OGDHL: variants seen among roughly 807,000 people sequenced by gnomAD.
The protein encoded by OGDHL is oxoglutarate dehydrogenase L, also known as 2-oxoglutarate dehydrogenase-like, mitochondrial.
A neutral mutation model predicts 109.6 loss-of-function variants in OGDHL; 79 were observed. That is an observed-to-expected ratio of 0.72 (90% CI 0.60 to 0.87). The LOEUF (loss-of-function observed/expected upper bound fraction) is 0.87, where lower values mean the gene tolerates loss of function less well. Ranked by LOEUF, OGDHL falls within the 40% of genes least tolerant of loss-of-function variation. The probability of loss-of-function intolerance (pLI) is 0.00; values close to 1 mark genes in which losing one functional copy is unlikely to be tolerated. For synonymous variants in OGDHL, 528 were observed against 537.2 expected (o/e 0.98, Z 0.24); for missense variants, 1,275 against 1,362.2 (o/e 0.94, Z 1.01).
chr10:49,754,132 T>C (rs1417204444), intron 3 of OGDHL, among the ~76,000 whole-genome samples: 1 of 152,088 alleles, frequency 6.6e-6, no homozygotes, highest in Non-Finnish European at 1.5e-5. Flanking sequence ...CCAGAAGTAA[T>C]GATCAAACCA....
At position 49,743,980 on chromosome 10, in the gene OGDHL, T is replaced by A. The variant is rs750305521; in HGVS notation, c.1861+14A>T. 127 of 1,610,632 alleles carry A rather than the reference T, an allele frequency of 7.9e-5. No homozygotes were observed. The East Asian group carries it at 2.7e-3, about 34-fold the overall frequency. ...GGCCAGCAGCCTGGGCTGCAGCCTG[T>A]CCAGCAACCTCACCAGTGTGGATCT... On this transcript the variant is annotated intron_variant, in intron 14 of 22. Transcript: ENST00000374103.
chr10:49,752,633 C>G lies in OGDHL; in HGVS notation c.478+5G>C, dbSNP rs376457953. The G allele has an allele frequency of 1.2e-6, 2 of 1,613,432 alleles. No individual in the cohort carries two copies. The highest frequency in any genetic ancestry group is 2.2e-5 in the East Asian group (1 of 44,884). On this transcript the variant is annotated splice_donor_5th_base_variant and intron_variant, in intron 4 of 22. Coordinates refer to ENST00000374103, the MANE Select transcript of OGDHL (RefSeq NM_018245.3). ...TGCCATGGCCGTCCTGAGGAAGGGT[C>G]TTACCCAGTTTATCAATGGTTGTGA...
At chr10:49,739,399 G>C (rs1841466161) in intron 17 of OGDHL, 5 of 439,950 alleles carry the variant, frequency 1.1e-5, no homozygotes, top group Admixed American at 3.9e-5. Context: ...TGGATTGGAA[G>C]AGTTAACATT....
Position 49,745,960 on chromosome 10 carries a change from G to T in OGDHL, c.1314C>A (p.Asp438Glu). The T allele has an allele frequency of 6.2e-7, 1 of 1,614,118 alleles. No homozygotes were observed. The highest frequency in any genetic ancestry group is 8.5e-7 in the Non-Finnish European group (1 of 1,179,984). Residue 438 changes from aspartate (D) to glutamate (E), a missense_variant, in exon 11 of 23, where the codon GAC becomes GAA. Physicochemically the swap from Asp to Glu is conservative, Grantham distance 45 (BLOSUM62 2). Transcript: ENST00000374103. ...ATGGTGAGGAGCGGGCCATTCGGGG[G>T]TCTGTGGTGAATCCAATCTGCAGAG... ...VVNNQIGFTT[D>E]PRMARSSPYP...
intron 1 of OGDHL, 41 bp from the exon 2 acceptor site, chr10:49,758,634 C>G: frequency 6.3e-7 from 1 of 1,594,788 alleles, no homozygotes. Context: ...ATGGCAGGAC[C>G]AAGACAGGAA....
intron 1 of OGDHL, among the ~76,000 whole-genome samples, chr10:49,760,049 A>G (rs1391334059): frequency 1.3e-5 from 2 of 152,242 alleles, no homozygotes; most frequent in East Asian, 3.8e-4. Flanking sequence ...GCCCCACCAG[A>G]GGGCAGGGCA....
rs1422093086 is a variant in OGDHL at position 49,745,789 on chromosome 10, C to T, written c.1476+9G>A. On this transcript the variant is annotated intron_variant, in intron 11 of 22. Transcript: ENST00000374103. ...CCACCCATGCCTTGGCCTCAGTCCC[C>T]AGACCCACCAGGTCCACGACAACAT... 4 of 1,613,322 alleles carry T rather than the reference C, an allele frequency of 2.5e-6. No individual in the cohort carries two copies. Among genetic ancestry groups the T allele is most frequent in the Middle Eastern group, 1.7e-4 (1 of 6,054 alleles).
chr10:49,760,785 C>T (rs774096472), intron 1 of OGDHL, among the ~76,000 whole-genome samples: 8 of 152,236 alleles, frequency 5.3e-5, no homozygotes, highest in Admixed American at 6.5e-5. Context: ...GTTCCAGCGA[C>T]TGTGCCCTGA....
chr10:49,746,818 T>C lies in OGDHL; in HGVS notation c.1228A>G (p.Thr410Ala). The change falls in exon 10 of 23, where the codon ACC becomes GCC. Residue 410 changes from threonine (T) to alanine (A), a missense_variant. Transcript: ENST00000374103. ...AFAGQGVVYE[T>A]FHLSDLPSYT... ...GAGGGCAGGTCGCTCAGGTGGAAGGTCTCATATACCACGCCCTGGCCAGCA... is the reference window on the plus strand; with the variant it reads ...GAGGGCAGGTCGCTCAGGTGGAAGGCCTCATATACCACGCCCTGGCCAGCA... 1 of 1,613,674 alleles carries C rather than the reference T, an allele frequency of 6.2e-7. No homozygotes were observed. Among genetic ancestry groups the C allele is most frequent in the Non-Finnish European group, 8.5e-7 (1 of 1,179,890 alleles).
chr10:49,760,232 C>T (rs1564565918), intron 1 of OGDHL, among the ~76,000 whole-genome samples: 1 of 152,250 alleles, frequency 6.6e-6, no homozygotes, highest in Non-Finnish European at 1.5e-5. Context: ...CTGAGTGCCC[C>T]CAAGTTTCCC....
At chr10:49,747,561 A>G (rs1414396187) in intron 8 of OGDHL, among the ~76,000 whole-genome samples, 1 of 152,232 alleles carries the variant, frequency 6.6e-6, no homozygotes, top group African/African-American at 2.4e-5. Flanking sequence ...CAAACACTGA[A>G]GCTGAATCCC....
At position 49,752,735 on chromosome 10, in the gene OGDHL, C is replaced by A; in HGVS notation, c.381G>T (p.Arg127=). 1 of 1,613,730 alleles carries A rather than the reference C, an allele frequency of 6.2e-7. No homozygotes were observed. The highest frequency in any genetic ancestry group is 1.1e-5 in the South Asian group (1 of 91,058). ...VQSLIRAYQI[R]GHHVAQLDPL... ...GGTCCAGCTGGGCCACATGGTGACCCCGGATCTGGGAGGAGGGAAAAGAGC... is the reference window on the plus strand; with the variant it reads ...GGTCCAGCTGGGCCACATGGTGACCACGGATCTGGGAGGAGGGAAAAGAGC... The change falls in exon 4 of 23, where the codon CGG becomes CGT. Residue 127 remains arginine, a synonymous_variant. Transcript: ENST00000374103.
In OGDHL at chr10:49,736,422, C is replaced by T. The variant is rs34584053; in HGVS notation, c.2689G>A (p.Asp897Asn). 1.9e-4 allele frequency: 305 copies of T among 1,614,146 alleles called. No individual in the cohort carries two copies. In the African/African-American group the frequency reaches 3.6e-3, roughly 19 times the overall value. ...LIFCTGKVYYDLVKERSSQDL... is the reference protein window; with the variant it reads ...LIFCTGKVYYNLVKERSSQDL... ...TGGCTGCTCCGCTCCTTCACCAGGT[C>T]ATAGTACACCTTTCCCGTGCAGAAG... Residue 897 changes from aspartate (D) to asparagine (N), a missense_variant, in exon 21 of 23, where the codon GAC becomes AAC. Coordinates refer to ENST00000374103, the MANE Select transcript of OGDHL (RefSeq NM_018245.3).
intron 7 of OGDHL, 77 bp downstream of exon 7, chr10:49,750,762 T>C: frequency 6.7e-7 from 1 of 1,486,064 alleles, no homozygotes; most frequent in Non-Finnish European, 9.0e-7. Flanking sequence ...TCCGCTCTGA[T>C]TTCCATCTCA....
At chr10:49,741,851 AACACCACAC>A (rs1233999147) in intron 15 of OGDHL, among the ~76,000 whole-genome samples, 3 of 146,234 alleles carry the variant, frequency 2.1e-5, no homozygotes, top group African/African-American at 7.7e-5. Flanking sequence ...ACACACACCA[AACACCACAC>A]ACACTACACA....
intron 2 of OGDHL, 148 bp from the exon 3 acceptor site, chr10:49,757,094 G>C (rs1437560930): frequency 1.5e-6 from 1 of 678,844 alleles, no homozygotes; most frequent in Non-Finnish European, 2.4e-6. Flanking sequence ...TACATACAAC[G>C]ATGTTCCCTG....
Position 49,739,711 on chromosome 10 carries a change from C to T in OGDHL, c.2269G>A (p.Val757Met). The T allele has an allele frequency of 6.2e-7, 1 of 1,614,106 alleles. No homozygotes were observed. Among genetic ancestry groups the T allele is most frequent in the Non-Finnish European group, 8.5e-7 (1 of 1,179,970 alleles). The change falls in exon 17 of 23, where the codon GTG becomes ATG. Residue 757 changes from valine to methionine, a missense_variant. Coordinates refer to ENST00000374103, the MANE Select transcript of OGDHL (RefSeq NM_018245.3). ...AGCAGCACAATGCCATTATGCCGCA[C>T]CCACTTGGCCTGGCCGGTGCTGATG... is the stretch of plus-strand genomic sequence containing the variant. ...QFISTGQAKWVRHNGIVLLLP... is the reference protein window; with the variant it reads ...QFISTGQAKWMRHNGIVLLLP...
rs1841035377 is a variant in OGDHL at position 49,734,991 on chromosome 10, TG to T, written c.*236del. 2 of 353,746 alleles carry T rather than the reference TG, an allele frequency of 5.7e-6. No individual in the cohort carries two copies. Among genetic ancestry groups the T allele is most frequent in the Non-Finnish European group, 5.0e-6 (1 of 198,438 alleles). The allele number at this position is 353,746 out of a possible 1,614,324, so 21.9% of individuals were successfully genotyped here. A position where few individuals can be genotyped will look rare whatever the true frequency, so the allele number is the denominator to read the frequency against. On this transcript the variant is annotated 3_prime_UTR_variant, in exon 23 of 23. Transcript: ENST00000374103. ...GAAATTCCAGCAAGATGGGAGCAGC[TG>T]GGGGATGCTCCAGCACAGTAGCCTG...
At position 49,738,204 on chromosome 10, in the gene OGDHL, G is replaced by A. The variant is rs758228622; in HGVS notation, c.2378C>T (p.Ser793Leu). The change falls in exon 18 of 23, where the codon TCG (serine) becomes TTG (leucine). Residue 793 changes from serine to leucine, a missense_variant. Transcript: ENST00000374103. ...AGCAACACTCACAGGGTAGGCATCC[G>A]AGTCATCATTGCTCATCTGCAGGAA... The part of the protein sequence containing the change: ...ERFLQMSNDD[S>L]DAYPAFTKDF... 16 of 1,613,944 alleles carry A rather than the reference G, an allele frequency of 9.9e-6. No individual in the cohort carries two copies. Among genetic ancestry groups the A allele is most frequent in the South Asian group, 7.7e-5 (7 of 91,078 alleles).
Sources: allele counts gnomAD v4.1 joint callset (sites outside exome capture counted in the v4.1 genomes callset), GRCh38; gene constraint gnomAD v4.1.1; transcripts MANE v1.5; gene names NCBI Gene and HGNC (gene_info 2026-07-23, HGNC 2026-07-21).